NAALADL2: variants seen among roughly 807,000 people sequenced by gnomAD.
NAALADL2 encodes the protein N-acetylated alpha-linked acidic dipeptidase like 2, also known as inactive N-acetylated-alpha-linked acidic dipeptidase-like protein 2.
NAALADL2 carries 76 observed loss-of-function variants against 87.2 expected under a neutral mutation model. The observed-to-expected ratio is 0.87, with a 90% CI of 0.72 to 1.05. The LOEUF (loss-of-function observed/expected upper bound fraction) is 1.05. Among genes scored for constraint, NAALADL2 ranks in the 50% least tolerant of loss-of-function variants. The probability of loss-of-function intolerance (pLI) is 0.00; values close to 1 mark genes in which losing one functional copy is unlikely to be tolerated. For missense variants in NAALADL2, 1,089 were observed against 945.8 expected, an observed-to-expected ratio of 1.15 and a Z score of -1.99; for synonymous variants, 354 against 331.0, an observed-to-expected ratio of 1.07 and a Z score of -0.75.
chr3:175,246,553 G>A (rs1239389258), intron 3 of NAALADL2, among the ~76,000 whole-genome samples: 1 of 152,138 alleles, frequency 6.6e-6, no homozygotes, highest in Non-Finnish European at 1.5e-5. Flanking sequence ...GAAGAAACAT[G>A]GCACTGGAAT....
chr3:174,588,002 G>A (rs1716919864), intron 2 of NAALADL2, among the ~76,000 whole-genome samples: 1 of 152,094 alleles, frequency 6.6e-6, no homozygotes, highest in African/African-American at 2.4e-5. Flanking sequence ...TCACTTTCAG[G>A]TACACCAATC....
chr3:175,116,060 C>G (rs183871293), intron 2 of NAALADL2, among the ~76,000 whole-genome samples: 185 of 151,786 alleles, frequency 1.2e-3, no homozygotes, highest in African/African-American at 4.2e-3. Flanking sequence ...ACTCAATAAA[C>G]TAGGTATTGA....
At chr3:175,419,947 A>T (rs920812332) in intron 5 of NAALADL2, among the ~76,000 whole-genome samples, 6 of 152,018 alleles carry the variant, frequency 3.9e-5, no homozygotes, top group Admixed American at 1.3e-4. Flanking sequence ...AGGACTACAA[A>T]GGCAAGGTTT....
At chr3:174,709,939 T>C (rs1730458676) in intron 2 of NAALADL2, among the ~76,000 whole-genome samples, 3 of 152,226 alleles carry the variant, frequency 2.0e-5, no homozygotes, top group Admixed American at 1.3e-4. Flanking sequence ...GTGTGTCCTT[T>C]CATTCAAGGT....
In NAALADL2 at chr3:175,627,321, T is replaced by A; in HGVS notation, c.1831T>A (p.Ser611Thr). 6.4e-7 allele frequency: 1 copy of A among 1,571,816 alleles called. No individual in the cohort carries two copies. The highest frequency in any genetic ancestry group is 1.2e-5 in the South Asian group (1 of 85,910). Reference sequence around the variant, plus strand: ...AAGTTTTCTCTCCGAGGCCCGTTTTTCTACACGAGCAACAAAAATTGAAGA... The same window carrying A: ...AAGTTTTCTCTCCGAGGCCCGTTTTACTACACGAGCAACAAAAATTGAAGA... ...GPSFLSEARF[S>T]TRATKIEEMD... The change falls in exon 11 of 14, where the codon TCT (serine) becomes ACT (threonine). Residue 611 changes from serine to threonine, a missense_variant. By Grantham distance (58) the Ser-to-Thr change is moderately conservative. Coordinates refer to ENST00000454872, the MANE Select transcript of NAALADL2 (RefSeq NM_207015.3).
intron 13 of NAALADL2, chr3:175,776,140 T>C (rs908737283): frequency 6.6e-6 from 1 of 152,138 alleles, no homozygotes; most frequent in Admixed American, 6.6e-5. Flanking sequence ...TTATCAATCG[T>C]TTTGGTTGCT....
At chr3:175,516,633 A>C (rs1033834390) in intron 9 of NAALADL2, among the ~76,000 whole-genome samples, 7 of 152,212 alleles carry the variant, frequency 4.6e-5, no homozygotes, top group Non-Finnish European at 1.0e-4. Context: ...TAGAAGAAAG[A>C]AAATACCGTG....
intron 2 of NAALADL2, among the ~76,000 whole-genome samples, chr3:174,657,973 T>A (rs779541555): frequency 1.3e-5 from 2 of 152,242 alleles, no homozygotes; most frequent in African/African-American, 2.4e-5. Flanking sequence ...TAACGCCATC[T>A]AATTCATGAA....
At chr3:175,183,001 C>T (rs1021917973) in intron 2 of NAALADL2, among the ~76,000 whole-genome samples, 152 of 151,788 alleles carry the variant, frequency 1.0e-3, no homozygotes, top group Non-Finnish European at 2.0e-3. Flanking sequence ...GTACCTTTTG[C>T]GCAAGATTGG....
At chr3:175,111,951 A>G (rs1392445932) in intron 2 of NAALADL2, among the ~76,000 whole-genome samples, 1 of 151,590 alleles carries the variant, frequency 6.6e-6, no homozygotes, top group Non-Finnish European at 1.5e-5. Flanking sequence ...ACATCCAGCT[A>G]ATGTAGTGGA....
At chr3:175,799,726 C>T (rs1308870138) in intron 13 of NAALADL2, among the ~76,000 whole-genome samples, 1 of 152,092 alleles carries the variant, frequency 6.6e-6, no homozygotes, top group Non-Finnish European at 1.5e-5. Context: ...TTCACTAATT[C>T]TCACTATTTA....
chr3:174,469,875 T>C (rs2108308364), intron 1 of NAALADL2, among the ~76,000 whole-genome samples: 1 of 152,286 alleles, frequency 6.6e-6, no homozygotes, highest in Non-Finnish European at 1.5e-5. Context: ...TTGAGGTTCA[T>C]CAGAGTATGT....
chr3:175,789,520 A>G (rs1752523251), intron 13 of NAALADL2, among the ~76,000 whole-genome samples: 1 of 152,168 alleles, frequency 6.6e-6, no homozygotes, highest in Non-Finnish European at 1.5e-5. Flanking sequence ...TGGCTTTTGT[A>G]TGGCTCAGAA....
chr3:175,369,710 C>G (rs892936126), intron 5 of NAALADL2: 1 of 152,092 alleles, frequency 6.6e-6, no homozygotes, highest in African/African-American at 2.4e-5. Flanking sequence ...AAATATTTTG[C>G]CTGAAAGATA....
intron 1 of NAALADL2, among the ~76,000 whole-genome samples, chr3:175,068,706 A>T (rs1260512596): frequency 6.6e-6 from 1 of 152,140 alleles, no homozygotes; most frequent in African/African-American, 2.4e-5. Context: ...AAAGCTTTTG[A>T]AGAAAATAGT....
chr3:175,516,974 G>A (rs1188974899), intron 9 of NAALADL2, among the ~76,000 whole-genome samples: 2 of 152,028 alleles, frequency 1.3e-5, no homozygotes, highest in African/African-American at 4.8e-5. Context: ...TAATTTTTAT[G>A]GGCCTGTATC....
chr3:174,811,062 T>C (rs949843726), intron 3 of NAALADL2, among the ~76,000 whole-genome samples: 1 of 152,002 alleles, frequency 6.6e-6, no homozygotes, highest in Admixed American at 6.5e-5. Flanking sequence ...GAGTTGAAAA[T>C]TAGGAGCCTC....
intron 1 of NAALADL2, among the ~76,000 whole-genome samples, chr3:174,498,591 T>C (rs965617682): frequency 1.3e-5 from 2 of 150,390 alleles, no homozygotes; most frequent in African/African-American, 4.9e-5. Context: ...TATGTATATA[T>C]TATAGTTTCT....
At position 174,987,341 on chromosome 3, in the gene NAALADL2, G is replaced by T. The variant is rs955736870; in HGVS notation, c.44-109449G>T. On this transcript the variant is annotated intron_variant, in intron 1 of 13. Coordinates refer to ENST00000454872, the MANE Select transcript of NAALADL2 (RefSeq NM_207015.3). ...TCCCAGCACTTTGGGAGGCCGAGGC[G>T]GGCGGATCACGAGGTCAGGAGATCG... 2.0e-5 allele frequency among the ~76,000 whole-genome samples: 3 copies of T among 151,272 alleles called. No homozygotes were observed. The South Asian group carries it at 6.2e-4, about 31-fold the overall frequency.
Sources: gnomAD v4.1 joint callset for allele counts (sites outside exome capture counted in the v4.1 genomes callset) on GRCh38, gnomAD v4.1.1 for gene constraint, MANE v1.5 for transcripts, NCBI Gene and HGNC (gene_info 2026-07-23, HGNC 2026-07-21) for gene names.